Variants in ATP5MJ observed in about 807,000 individuals in gnomAD.
ATP5MJ encodes the protein ATP synthase membrane subunit j.
ATP5MJ carries 4 observed loss-of-function variants against 8.3 expected under a neutral mutation model. That is an observed-to-expected ratio of 0.48 (90% CI 0.24 to 1.11). The LOEUF is 1.11. Ranked by LOEUF, ATP5MJ falls within the 50% of genes least tolerant of loss-of-function variation. The pLI is 0.18. For missense variants in ATP5MJ, 66 were observed against 71.8 expected, an observed-to-expected ratio of 0.92 and a Z score of 0.29; for synonymous variants, 23 against 21.3, an observed-to-expected ratio of 1.08 and a Z score of -0.23.
intron 3 of ATP5MJ, 99 bp from the exon 4 acceptor site, chr14:103,912,793 C>A: frequency 8.2e-7 from 1 of 1,213,996 alleles, no homozygotes; most frequent in Non-Finnish European, 1.2e-6. Flanking sequence ...ATCAACAGTC[C>A]AAAAAGATAA....
intron 3 of ATP5MJ, chr14:103,913,000 G>A: frequency 2.9e-6 from 1 of 348,238 alleles, no homozygotes. Flanking sequence ...CAGTTTCATT[G>A]TCACTCTGGC....
chr14:103,912,806 G>C (rs1247154250), intron 3 of ATP5MJ, 112 bp from the exon 4 acceptor site: 1 of 1,046,922 alleles, frequency 9.6e-7, no homozygotes, highest in Non-Finnish European at 1.5e-6. Context: ...AAAGATAAAT[G>C]ACACCTTTCA....
At chr14:103,915,324 CCGTTCTGCACTCACAGGGGACT>C in intron 1 of ATP5MJ, 135 bp from the exon 2 acceptor site, 1 of 929,724 alleles carries the variant, frequency 1.1e-6, no homozygotes, top group Non-Finnish European at 1.6e-6. Flanking sequence ...GATGTCAGAC[CCGTTCTGCACTCACAGGGGACT>C]CACACCTCTT....
At chr14:103,915,494 G>A (rs149079400) in intron 1 of ATP5MJ, among the ~76,000 whole-genome samples, 1,668 of 152,100 alleles carry the variant, frequency 0.011, 13 homozygotes, top group Middle Eastern at 0.02. Context: ...CTACAGATGC[G>A]TGCCACCACG....
intron 2 of ATP5MJ, chr14:103,914,841 A>AAG (rs1463808832): frequency 2.8e-6 from 1 of 357,296 alleles, no homozygotes; most frequent in African/African-American, 2.3e-5. Flanking sequence ...TGTCTCCAAA[A>AAG]AAAAAAAAAA....
rs1046862560 is a variant in ATP5MJ, at chr14:103,912,508, G to C, written c.*158C>G. 2 of 764,212 alleles carry C rather than the reference G, an allele frequency of 2.6e-6. No homozygotes were observed. Among genetic ancestry groups the C allele is most frequent in the Non-Finnish European group, 4.5e-6 (2 of 449,112 alleles). The allele number at this position is 764,212 out of a possible 1,614,324, so 47.3% of individuals were successfully genotyped here. A position where few individuals can be genotyped will look rare whatever the true frequency, so the allele number is the denominator to read the frequency against. ...GGGGAACACACTGAAAGCAGTACCA[G>C]GTAGCAGTGCATCTCACAGATCCAT... On this transcript the variant is annotated 3_prime_UTR_variant, in exon 4 of 4. Transcript: ENST00000286953.
intron 1 of ATP5MJ, among the ~76,000 whole-genome samples, chr14:103,915,907 T>C (rs1690068020): frequency 6.6e-6 from 1 of 152,078 alleles, no homozygotes; most frequent in African/African-American, 2.4e-5. Context: ...CCAGCACCTC[T>C]CCCACCCTGA....
Position 103,920,706 on chromosome 14 carries a change from G to C in ATP5MJ, c.-1+764C>G, listed in dbSNP as rs2087670060. The stretch of plus-strand genomic sequence containing the variant: ...AGGATGGTCTCGATCTCTTGACCTC[G>C]TGATCCGCCCGCCTCAGCCTCCCAA... On this transcript the variant is annotated intron_variant, in intron 1 of 3. Coordinates refer to ENST00000286953, the MANE Select transcript of ATP5MJ (RefSeq NM_004894.3). Among the ~76,000 whole-genome samples the C allele has an allele frequency of 2.0e-5, 3 of 151,758 alleles. No individual in the cohort carries two copies. In the South Asian group the frequency reaches 6.2e-4, roughly 32 times the overall value.
chr14:103,917,560 G>A (rs910605759), intron 1 of ATP5MJ, among the ~76,000 whole-genome samples: 2 of 152,046 alleles, frequency 1.3e-5, no homozygotes, highest in Admixed American at 1.3e-4. Flanking sequence ...TTCGAGGGCA[G>A]CTGGTGGGGG....
At chr14:103,920,837 A>G (rs1335999163) in intron 1 of ATP5MJ, 17 of 869,188 alleles carry the variant, frequency 2.0e-5, no homozygotes, top group Non-Finnish European at 3.2e-5. Context: ...TTACAGCACC[A>G]GACCTTTTAA....
At chr14:103,915,665 T>G (rs1401434746) in intron 1 of ATP5MJ, among the ~76,000 whole-genome samples, 18 of 151,544 alleles carry the variant, frequency 1.2e-4, no homozygotes, top group Non-Finnish European at 1.5e-5. Context: ...TTTTTTTTTT[T>G]TAAAGCAGAG....
At chr14:103,921,065 C>T in intron 1 of ATP5MJ, 1 of 1,545,470 alleles carries the variant, frequency 6.5e-7, no homozygotes, top group South Asian at 1.2e-5. Context: ...ACGTGGAGGG[C>T]AGTGTGGCGC....
intron 1 of ATP5MJ, among the ~76,000 whole-genome samples, chr14:103,918,984 T>G (rs1041155783): frequency 4.0e-5 from 6 of 151,086 alleles, no homozygotes; most frequent in Non-Finnish European, 8.8e-5. Flanking sequence ...ATTGCACCAC[T>G]GCACTCCAGC....
At position 103,917,060 on chromosome 14, in the gene ATP5MJ, C is replaced by G. The variant is rs568227927; in HGVS notation, c.1-1871G>C. Among the ~76,000 whole-genome samples, 11 of 152,230 alleles carry G rather than the reference C, an allele frequency of 7.2e-5. No individual in the cohort carries two copies. In the South Asian group the frequency reaches 2.3e-3, roughly 32 times the overall value. ...TAGGTGCCAGACATTGTTTTAGGAG[C>G]TGAGAAACAATAAAGGGTCAGGATA... On this transcript the variant is annotated intron_variant, in intron 1 of 3. Transcript: ENST00000286953.
At chr14:103,915,326 G>A (rs1187661302) in intron 1 of ATP5MJ, 137 bp from the exon 2 acceptor site, 2 of 918,118 alleles carry the variant, frequency 2.2e-6, no homozygotes, top group South Asian at 1.7e-5. Context: ...TGTCAGACCC[G>A]TTCTGCACTC....
chr14:103,912,785 C>A, intron 3 of ATP5MJ, 91 bp from the exon 4 acceptor site: 2 of 1,288,310 alleles, frequency 1.6e-6, no homozygotes, highest in South Asian at 1.2e-5. Flanking sequence ...AGAAGTTGAT[C>A]AACAGTCCAA....
intron 1 of ATP5MJ, among the ~76,000 whole-genome samples, chr14:103,918,599 T>A (rs1021057881): frequency 2.0e-5 from 3 of 151,878 alleles, no homozygotes; most frequent in South Asian, 4.1e-4. Context: ...TGACCTTGTG[T>A]TCTGCCCGCC....
At chr14:103,914,989 T>C in intron 2 of ATP5MJ, 77 bp downstream of exon 2, 1 of 1,589,284 alleles carries the variant, frequency 6.3e-7, no homozygotes, top group South Asian at 1.1e-5. Flanking sequence ...CATAGTTCCT[T>C]TACAATGTGA....
At chr14:103,914,834 C>G in intron 2 of ATP5MJ, 2 of 269,774 alleles carry the variant, frequency 7.4e-6, no homozygotes, top group Non-Finnish European at 1.2e-5. Flanking sequence ...GAGAGACTGT[C>G]TCCAAAAAAA....
Sources: gnomAD v4.1 joint callset for allele counts (sites outside exome capture counted in the v4.1 genomes callset) on GRCh38, gnomAD v4.1.1 for gene constraint, MANE v1.5 for transcripts, NCBI Gene and HGNC (gene_info 2026-07-23, HGNC 2026-07-21) for gene names.